Variants in RASSF9 observed in about 807,000 individuals in gnomAD.
RASSF9 encodes the protein Ras association domain family member 9.
A neutral mutation model predicts 21.4 loss-of-function variants in RASSF9; 18 were observed. The ratio of observed to expected loss-of-function variants is 0.84; its 90% CI spans 0.58 to 1.25. RASSF9 has a LOEUF of 1.25. Among genes scored for constraint, RASSF9 ranks in the 50% most tolerant of loss-of-function variants. The probability of loss-of-function intolerance (pLI) is 0.00; values close to 1 mark genes in which losing one functional copy is unlikely to be tolerated. For synonymous variants in RASSF9, 183 were observed against 179.1 expected, an observed-to-expected ratio of 1.02 and a Z score of -0.18; for missense variants, 480 against 503.2, an observed-to-expected ratio of 0.95 and a Z score of 0.44.
intron 1 of RASSF9, among the ~76,000 whole-genome samples, chr12:85,824,845 T>C (rs79421473): frequency 0.035 from 5,329 of 152,260 alleles, 307 homozygotes; most frequent in African/African-American, 0.12. Flanking sequence ...ACTTCGAGCT[T>C]TTCCATAACC....
rs1880540624 is a variant in RASSF9, at chr12:85,835,538, G to A, written c.47+617C>T. Among the ~76,000 whole-genome samples, 3 of 152,092 alleles carry A rather than the reference G, an allele frequency of 2.0e-5. No homozygotes were observed. In the South Asian group the frequency reaches 6.2e-4, roughly 32 times the overall value. On this transcript the variant is annotated intron_variant, in intron 1 of 1. Transcript: ENST00000361228. Reference sequence around the variant, plus strand: ...GGATAGCTGCTTGAATCCTTCTTTAGTGCTTAAAACTACCTAAAATTCTCA... The same window carrying A: ...GGATAGCTGCTTGAATCCTTCTTTAATGCTTAAAACTACCTAAAATTCTCA...
At chr12:85,812,635 G>A (rs998458004) in intron 1 of RASSF9, among the ~76,000 whole-genome samples, 16 of 151,046 alleles carry the variant, frequency 1.1e-4, no homozygotes, top group African/African-American at 3.6e-4. Flanking sequence ...CTGCAATATA[G>A]ATGTCTGGCA....
intron 1 of RASSF9, among the ~76,000 whole-genome samples, chr12:85,809,888 A>T (rs993200419): frequency 1.3e-5 from 2 of 151,956 alleles, no homozygotes; most frequent in Non-Finnish European, 2.9e-5. Flanking sequence ...CCTACTAAAA[A>T]AGTAATGCCT....
intron 1 of RASSF9, among the ~76,000 whole-genome samples, chr12:85,823,265 G>T (rs536491932): frequency 2.6e-5 from 4 of 151,590 alleles, no homozygotes; most frequent in Non-Finnish European, 4.4e-5. Flanking sequence ...TCTTCTTAGG[G>T]TTATCAGAAA....
intron 1 of RASSF9, among the ~76,000 whole-genome samples, chr12:85,812,787 T>G (rs1879980664): frequency 6.6e-6 from 1 of 151,718 alleles, no homozygotes; most frequent in Admixed American, 6.6e-5. Flanking sequence ...TTTAGTATTC[T>G]TATTCAGTAA....
At chr12:85,824,886 C>T (rs1880296448) in intron 1 of RASSF9, among the ~76,000 whole-genome samples, 2 of 152,178 alleles carry the variant, frequency 1.3e-5, no homozygotes, top group African/African-American at 2.4e-5. Flanking sequence ...CTCTTTGATC[C>T]CTTCTCCATC....
intron 1 of RASSF9, among the ~76,000 whole-genome samples, chr12:85,832,352 T>C (rs1880470120): frequency 1.3e-5 from 2 of 151,910 alleles, no homozygotes; most frequent in Non-Finnish European, 3.0e-5. Flanking sequence ...CAAATCTTAT[T>C]AATTAAAACA....
At position 85,823,771 on chromosome 12, in the gene RASSF9, A is replaced by G. The variant is rs115426585; in HGVS notation, c.47+12384T>C. 2.4e-3 allele frequency among the ~76,000 whole-genome samples: 371 copies of G among 152,330 alleles called. 1 individual carries two copies. Among genetic ancestry groups the G allele is most frequent in the African/African-American group, 8.5e-3 (353 of 41,586 alleles). Reference sequence around the variant, plus strand: ...GAAAAGAGGCAAACCATCGAAATCAAGTTGCTCTACCTGAACTGAGCCCTC... The same window carrying G: ...GAAAAGAGGCAAACCATCGAAATCAGGTTGCTCTACCTGAACTGAGCCCTC... On this transcript the variant is annotated intron_variant, in intron 1 of 1. Transcript: ENST00000361228.
chr12:85,814,352 CAG>C (rs1242215928), intron 1 of RASSF9, among the ~76,000 whole-genome samples: 3 of 152,018 alleles, frequency 2.0e-5, no homozygotes, highest in African/African-American at 7.2e-5. Flanking sequence ...TAAAACCAAA[CAG>C]TATGTATCCA....
chr12:85,814,317 CT>C (rs1251398170), intron 1 of RASSF9, among the ~76,000 whole-genome samples: 4 of 151,988 alleles, frequency 2.6e-5, no homozygotes, highest in Non-Finnish European at 5.9e-5. Context: ...TCAGGTGGCA[CT>C]GTTGACACAC....
At chr12:85,835,174 C>A (rs1390147548) in intron 1 of RASSF9, among the ~76,000 whole-genome samples, 1 of 151,956 alleles carries the variant, frequency 6.6e-6, no homozygotes, top group Middle Eastern at 3.2e-3. Flanking sequence ...ATATCATTTC[C>A]TACCATGTAA....
chr12:85,806,672 C>CAAAAAAAAA (rs71076150), intron 1 of RASSF9, among the ~76,000 whole-genome samples: 2 of 54,822 alleles, frequency 3.6e-5, no homozygotes, highest in African/African-American at 1.3e-4. Flanking sequence ...GACTCCATCT[C>CAAAAAAAAA]AAAAAAAAAA....
chr12:85,820,982 A>G (rs1880195845), intron 1 of RASSF9, among the ~76,000 whole-genome samples: 1 of 152,048 alleles, frequency 6.6e-6, no homozygotes, highest in Non-Finnish European at 1.5e-5. Context: ...TGTCTCTACT[A>G]AAAATACAAA....
intron 1 of RASSF9, among the ~76,000 whole-genome samples, chr12:85,814,326 C>T (rs1275805612): frequency 6.6e-6 from 1 of 152,020 alleles, no homozygotes; most frequent in Non-Finnish European, 1.5e-5. Context: ...ACTGTTGACA[C>T]ACCCTGTTCC....
At chr12:85,815,806 G>A in intron 1 of RASSF9, among the ~76,000 whole-genome samples, 1 of 151,674 alleles carries the variant, frequency 6.6e-6, no homozygotes, top group East Asian at 1.9e-4. Context: ...TTTTTTTCTT[G>A]TAAATTTGTT....
In RASSF9 at chr12:85,804,740, C is replaced by T. The variant is rs369587129; in HGVS notation, c.1270G>A (p.Glu424Lys). The T allele has an allele frequency of 9.3e-6, 15 of 1,609,906 alleles. No individual in the cohort carries two copies. Among genetic ancestry groups the T allele is most frequent in the East Asian group, 2.2e-5 (1 of 44,776 alleles). ...AGCACCACATCTCCTACTGTTGTTT[C>T]GGAGTCCTGACTGTGGTTAGAACTG... Reference protein sequence around the residue: ...GISSNHSQDSETTVGDVVLLS... With the variant: ...GISSNHSQDSKTTVGDVVLLS... Residue 424 changes from glutamate (E) to lysine (K), a missense_variant, in exon 2 of 2, where the codon GAA becomes AAA. Glu to Lys is a moderately conservative substitution (Grantham distance 56). Transcript: ENST00000361228.
chr12:85,827,696 T>G (rs1415489141), intron 1 of RASSF9, among the ~76,000 whole-genome samples: 1 of 152,200 alleles, frequency 6.6e-6, no homozygotes, highest in African/African-American at 2.4e-5. Flanking sequence ...AGTTACTTTA[T>G]ACCTTCTGTT....
chr12:85,810,526 A>G (rs2136552337), intron 1 of RASSF9, among the ~76,000 whole-genome samples: 1 of 152,110 alleles, frequency 6.6e-6, no homozygotes, highest in Admixed American at 6.6e-5. Context: ...ATATCCATCA[A>G]AATTAAACCA....
At chr12:85,825,418 T>C (rs1204472579) in intron 1 of RASSF9, among the ~76,000 whole-genome samples, 1 of 152,040 alleles carries the variant, frequency 6.6e-6, no homozygotes, top group Non-Finnish European at 1.5e-5. Context: ...TCTCAGTCAA[T>C]AATCTAGATC....
Sources: allele counts gnomAD v4.1 joint callset (sites outside exome capture counted in the v4.1 genomes callset), GRCh38; gene constraint gnomAD v4.1.1; transcripts MANE v1.5; gene names NCBI Gene and HGNC (gene_info 2026-07-23, HGNC 2026-07-21).